EYA1: variants seen among roughly 807,000 people sequenced by gnomAD.
The protein encoded by EYA1 is protein phosphatase EYA1.
EYA1 carries 16 observed loss-of-function variants against 82.0 expected under a neutral mutation model. The ratio of observed to expected loss-of-function variants is 0.20; its 90% CI spans 0.13 to 0.30. EYA1 has a LOEUF of 0.30. Ranked by LOEUF, EYA1 falls within the 10% of genes least tolerant of loss-of-function variation. The pLI is 1.00. For synonymous variants in EYA1, 261 were observed against 264.4 expected, an observed-to-expected ratio of 0.99 and a Z score of 0.12; for missense variants, 633 against 730.7, an observed-to-expected ratio of 0.87 and a Z score of 1.54.
At chr8:71,388,224 C>T (rs916544262) in intron 2 of EYA1, among the ~76,000 whole-genome samples, 4 of 152,118 alleles carry the variant, frequency 2.6e-5, no homozygotes, top group Non-Finnish European at 4.4e-5. Context: ...CAGTGATCCC[C>T]AAGGTCTTAT....
intron 9 of EYA1, 115 bp downstream of exon 9, chr8:71,298,932 C>T (rs1298625628): frequency 8.9e-6 from 8 of 896,984 alleles, no homozygotes; most frequent in African/African-American, 1.6e-5. Flanking sequence ...TATATTTAGT[C>T]CTTGCCAAAA....
intron 7 of EYA1, among the ~76,000 whole-genome samples, chr8:71,316,871 A>G (rs7814212): frequency 0.19 from 29,226 of 152,200 alleles, 3,157 homozygotes; most frequent in Non-Finnish European, 0.24. Flanking sequence ...TTGCAAGATA[A>G]CAATGTGCTA....
At chr8:71,302,473 A>T (rs183267635) in intron 7 of EYA1, among the ~76,000 whole-genome samples, 2 of 152,080 alleles carry the variant, frequency 1.3e-5, no homozygotes, top group Admixed American at 1.3e-4. Flanking sequence ...CATTAGCTGG[A>T]ATTCAACATA....
chr8:71,493,719 T>C (rs919193529), intron 2 of EYA1, among the ~76,000 whole-genome samples: 2 of 151,816 alleles, frequency 1.3e-5, no homozygotes, highest in African/African-American at 4.8e-5. Flanking sequence ...TGTGAAATAC[T>C]GAATCATTTT....
At chr8:71,337,169 A>T (rs532987167) in intron 3 of EYA1, among the ~76,000 whole-genome samples, 2 of 152,346 alleles carry the variant, frequency 1.3e-5, no homozygotes, top group South Asian at 4.1e-4. Context: ...GTACTGTAAC[A>T]TCTGAGAACA....
chr8:71,495,093 G>T (rs963998322), intron 2 of EYA1, among the ~76,000 whole-genome samples: 1 of 151,732 alleles, frequency 6.6e-6, no homozygotes, highest in Admixed American at 6.6e-5. Flanking sequence ...TAAAAAAAAA[G>T]AAAGAAAAGA....
intron 2 of EYA1, among the ~76,000 whole-genome samples, chr8:71,499,971 G>T (rs1811698229): frequency 6.6e-6 from 1 of 152,174 alleles, no homozygotes; most frequent in Admixed American, 6.5e-5. Context: ...CAAAAGTGGA[G>T]AATTATTTTA....
intron 2 of EYA1, among the ~76,000 whole-genome samples, chr8:71,380,101 T>C (rs1460410769): frequency 2.0e-5 from 3 of 152,202 alleles, no homozygotes; most frequent in African/African-American, 7.2e-5. Flanking sequence ...TCCAGTATAT[T>C]CTCCTTGCCC....
intron 2 of EYA1, among the ~76,000 whole-genome samples, chr8:71,439,772 T>C (rs1806275934): frequency 6.6e-6 from 1 of 152,162 alleles, no homozygotes; most frequent in South Asian, 2.1e-4. Flanking sequence ...AAAGGAAGTA[T>C]GGTAAGTAGA....
chr8:71,387,842 A>G (rs561889637), intron 2 of EYA1, among the ~76,000 whole-genome samples: 81 of 152,262 alleles, frequency 5.3e-4, no homozygotes, highest in African/African-American at 1.9e-3. Context: ...TGCAGTGGAG[A>G]CTAAAGCATG....
intron 2 of EYA1, among the ~76,000 whole-genome samples, chr8:71,400,579 C>T (rs1461995212): frequency 6.6e-6 from 1 of 152,158 alleles, no homozygotes; most frequent in African/African-American, 2.4e-5. Flanking sequence ...ATAAAAACCA[C>T]AGTGAGATGC....
intron 2 of EYA1, among the ~76,000 whole-genome samples, chr8:71,527,307 C>G (rs7008930): frequency 0.26 from 39,536 of 152,078 alleles, 5,538 homozygotes; most frequent in African/African-American, 0.36. Flanking sequence ...TTGGTGACCA[C>G]CACACATTTA....
At chr8:71,393,953 C>CTGT (rs1829432907) in intron 2 of EYA1, among the ~76,000 whole-genome samples, 1 of 151,088 alleles carries the variant, frequency 6.6e-6, no homozygotes, top group Non-Finnish European at 1.5e-5. Context: ...TCTCCAGCAT[C>CTGT]TGTTTCCTGC....
intron 3 of EYA1, among the ~76,000 whole-genome samples, chr8:71,347,421 C>T (rs1324542512): frequency 6.6e-6 from 1 of 152,160 alleles, no homozygotes; most frequent in Admixed American, 6.6e-5. Context: ...CTCCCGGGTT[C>T]ACACCATTCT....
In EYA1 at chr8:71,341,933, T is replaced by C. The variant is rs1246794932; in HGVS notation, c.125-7759A>G. Among the ~76,000 whole-genome samples the C allele has an allele frequency of 2.6e-5, 4 of 152,190 alleles. No individual in the cohort carries two copies. In the East Asian group the frequency reaches 7.7e-4, roughly 29 times the overall value. ...AGCAGCATGTGCAATTACTTATGGG[T>C]TGGTCTAGACTAATTTAAATTTTTT... On this transcript the variant is annotated intron_variant, in intron 3 of 17. Transcript: ENST00000340726.
At chr8:71,345,752 C>T (rs1263022243) in intron 3 of EYA1, among the ~76,000 whole-genome samples, 1 of 152,140 alleles carries the variant, frequency 6.6e-6, no homozygotes, top group Non-Finnish European at 1.5e-5. Context: ...CATTTCTTCT[C>T]ACCTGGGGTC....
At chr8:71,495,054 A>G (rs1018255980) in intron 2 of EYA1, among the ~76,000 whole-genome samples, 2 of 152,078 alleles carry the variant, frequency 1.3e-5, no homozygotes, top group African/African-American at 4.8e-5. Flanking sequence ...CCACCAACTC[A>G]AGGCTAAGGA....
chr8:71,436,480 A>G lies in EYA1; in HGVS notation c.34-79969T>C, dbSNP rs549623369. The stretch of plus-strand genomic sequence containing the variant: ...TAATCAGGAGAGGCTGCACACAATA[A>G]AAGAAAGCATTCTGGTTTTTAAATG... On this transcript the variant is annotated intron_variant, in intron 2 of 18. Coordinates refer to the EYA1 transcript ENST00000643681. Among the ~76,000 whole-genome samples, 33 of 152,286 alleles carry G rather than the reference A, an allele frequency of 2.2e-4. No homozygotes were observed. In the South Asian group the frequency reaches 6.6e-3, roughly 31 times the overall value.
At chr8:71,490,656 C>A (rs1810925399) in intron 2 of EYA1, among the ~76,000 whole-genome samples, 1 of 152,020 alleles carries the variant, frequency 6.6e-6, no homozygotes, top group Admixed American at 6.6e-5. Context: ...ACAAGATAAG[C>A]CTACTTTGAG....
Sources: allele counts gnomAD v4.1 joint callset (sites outside exome capture counted in the v4.1 genomes callset), GRCh38; gene constraint gnomAD v4.1.1; transcripts MANE v1.5; gene names NCBI Gene and HGNC (gene_info 2026-07-23, HGNC 2026-07-21).